Variants in PID1 observed in about 807,000 individuals in gnomAD.
The protein encoded by PID1 is PTB-containing, cubilin and LRP1-interacting protein.
A neutral mutation model predicts 19.1 loss-of-function variants in PID1; 10 were observed. That is an observed-to-expected ratio of 0.52 (90% CI 0.32 to 0.89). The LOEUF (loss-of-function observed/expected upper bound fraction) is 0.89, where lower values mean the gene tolerates loss of function less well. Among genes scored for constraint, PID1 ranks in the 40% least tolerant of loss-of-function variants. PID1 has a pLI of 0.03. For synonymous variants in PID1, 130 were observed against 116.0 expected (o/e 1.12, Z -0.78); for missense variants, 248 against 285.3 (o/e 0.87, Z 0.94).
At chr2:229,114,664 T>C (rs1181254475) in intron 2 of PID1, among the ~76,000 whole-genome samples, 1 of 152,202 alleles carries the variant, frequency 6.6e-6, no homozygotes, top group Non-Finnish European at 1.5e-5. Flanking sequence ...CACTTTATTA[T>C]ATCCTCTGTG....
chr2:229,192,630 G>T (rs1393937880), intron 1 of PID1, among the ~76,000 whole-genome samples: 2 of 152,124 alleles, frequency 1.3e-5, no homozygotes, highest in Non-Finnish European at 1.5e-5. Flanking sequence ...ACAGGAGAAG[G>T]TTCCTGCTAT....
At chr2:229,040,249 T>A (rs547132559) in intron 2 of PID1, among the ~76,000 whole-genome samples, 1 of 151,618 alleles carries the variant, frequency 6.6e-6, no homozygotes, top group African/African-American at 2.4e-5. Flanking sequence ...TGAAAGCCCA[T>A]CTCTACTAAA....
intron 1 of PID1, among the ~76,000 whole-genome samples, chr2:229,169,469 CT>C (rs1375845528): frequency 6.6e-6 from 1 of 152,176 alleles, no homozygotes; most frequent in African/African-American, 2.4e-5. Context: ...CTTTCTCTAG[CT>C]TCCTACATCC....
At chr2:229,092,711 C>A (rs371542358) in intron 2 of PID1, among the ~76,000 whole-genome samples, 2 of 152,282 alleles carry the variant, frequency 1.3e-5, no homozygotes, top group African/African-American at 2.4e-5. Context: ...CCCAAAAGTG[C>A]TCTTGGAGGT....
chr2:229,247,763 C>T (rs1690041766), intron 1 of PID1, among the ~76,000 whole-genome samples: 1 of 152,194 alleles, frequency 6.6e-6, no homozygotes, highest in African/African-American at 2.4e-5. Flanking sequence ...CTAGAAGTGA[C>T]ATTTATGAAC....
At chr2:229,169,081 A>T (rs1574686700) in intron 1 of PID1, among the ~76,000 whole-genome samples, 1 of 152,182 alleles carries the variant, frequency 6.6e-6, no homozygotes, top group African/African-American at 2.4e-5. Flanking sequence ...CAATTGCTTG[A>T]TACTAGCCTG....
At chr2:229,103,533 T>C (rs1196518487) in intron 2 of PID1, among the ~76,000 whole-genome samples, 1 of 151,788 alleles carries the variant, frequency 6.6e-6, no homozygotes, top group East Asian at 1.9e-4. Flanking sequence ...TCACTGGTTA[T>C]GGAAATTAGC....
intron 1 of PID1, among the ~76,000 whole-genome samples, chr2:229,226,109 A>T (rs1692072145): frequency 6.6e-6 from 1 of 152,186 alleles, no homozygotes; most frequent in Non-Finnish European, 1.5e-5. Flanking sequence ...AAGTCACTTC[A>T]GTTGATCTTT....
intron 1 of PID1, among the ~76,000 whole-genome samples, chr2:229,218,487 A>G (rs1229523658): frequency 6.6e-6 from 1 of 152,152 alleles, no homozygotes; most frequent in African/African-American, 2.4e-5. Context: ...ACCAAGCTGA[A>G]GCTTTGCCAG....
intron 2 of PID1, among the ~76,000 whole-genome samples, chr2:229,044,301 T>C (rs1693831488): frequency 6.6e-6 from 1 of 152,026 alleles, no homozygotes; most frequent in South Asian, 2.1e-4. Context: ...AAGGGCAATC[T>C]ATATCCTGCA....
intron 1 of PID1, among the ~76,000 whole-genome samples, chr2:229,196,893 T>C (rs1691388731): frequency 6.6e-6 from 1 of 152,046 alleles, no homozygotes; most frequent in Non-Finnish European, 1.5e-5. Context: ...GGCTTACTAT[T>C]AGAACATTAA....
At chr2:229,130,013 T>C (rs74433576) in intron 2 of PID1, among the ~76,000 whole-genome samples, 8,552 of 152,194 alleles carry the variant, frequency 0.056, 829 homozygotes, top group African/African-American at 0.19. Context: ...GAAAGAAACA[T>C]TTCTCAAGGA....
At chr2:229,029,950 CAT>C (rs1345345348) in intron 2 of PID1, among the ~76,000 whole-genome samples, 4 of 151,980 alleles carry the variant, frequency 2.6e-5, no homozygotes, top group East Asian at 3.9e-4. Flanking sequence ...ATATTGTACA[CAT>C]GTTTATAGCA....
intron 2 of PID1, among the ~76,000 whole-genome samples, chr2:229,126,415 T>C (rs1695623966): frequency 1.3e-5 from 2 of 151,664 alleles, no homozygotes; most frequent in African/African-American, 4.8e-5. Context: ...CAACTGGGAA[T>C]GGTCTGGCAA....
chr2:229,036,614 G>T (rs1375741372), intron 2 of PID1, among the ~76,000 whole-genome samples: 1 of 152,074 alleles, frequency 6.6e-6, no homozygotes, highest in East Asian at 1.9e-4. Flanking sequence ...TGGGTGTGGT[G>T]GCAGGCCCCT....
chr2:229,109,420 G>C (rs534585789), intron 2 of PID1, among the ~76,000 whole-genome samples: 1 of 152,140 alleles, frequency 6.6e-6, no homozygotes, highest in African/African-American at 2.4e-5. Flanking sequence ...CACGCTAGTC[G>C]GCATGTTAAT....
chr2:229,257,723 G>A (rs551981705), intron 1 of PID1, among the ~76,000 whole-genome samples: 81 of 152,194 alleles, frequency 5.3e-4, no homozygotes, highest in Non-Finnish European at 1.1e-3. Flanking sequence ...CTCCTTGAGG[G>A]GCAAAATGTT....
chr2:229,163,794 T>A (rs1303850657), intron 1 of PID1, among the ~76,000 whole-genome samples: 1 of 152,172 alleles, frequency 6.6e-6, no homozygotes, highest in Admixed American at 6.6e-5. Flanking sequence ...GTTTCTGTCA[T>A]CTTCTAAACC....
chr2:229,150,294 C>T (rs558546106), intron 2 of PID1, among the ~76,000 whole-genome samples: 1 of 151,532 alleles, frequency 6.6e-6, no homozygotes, highest in East Asian at 1.9e-4. Flanking sequence ...GACAAGAGGT[C>T]ATGCTAAATT....
Sources: allele counts gnomAD v4.1 joint callset (sites outside exome capture counted in the v4.1 genomes callset), GRCh38; gene constraint gnomAD v4.1.1; transcripts MANE v1.5; gene names NCBI Gene and HGNC (gene_info 2026-07-23, HGNC 2026-07-21).